The following SCUBE1 variants were observed in gnomAD, a reference collection of about 807,000 sequenced individuals.
The protein encoded by SCUBE1 is signal peptide, CUB and EGF-like domain-containing protein 1.
Under a neutral mutation model 124.4 loss-of-function variants are expected in SCUBE1, and 59 were observed. The observed-to-expected ratio is 0.47, with a 90% CI of 0.38 to 0.59. SCUBE1 has a LOEUF of 0.59. Ranked by LOEUF, SCUBE1 falls within the 20% of genes least tolerant of loss-of-function variation. The probability of loss-of-function intolerance (pLI) is 0.00; values close to 1 mark genes in which losing one functional copy is unlikely to be tolerated. For synonymous variants in SCUBE1, 545 were observed against 550.9 expected (o/e 0.99, Z 0.15); for missense variants, 1,150 against 1,371.2 (o/e 0.84, Z 2.55).
Position 43,211,182 on chromosome 22 carries a change from T to G in SCUBE1, c.2222-99A>C, listed in dbSNP as rs879208825. The G allele has an allele frequency of 1.5e-4, 195 of 1,287,226 alleles. 2 individuals are homozygous for G. The South Asian group carries it at 2.6e-3, about 17-fold the overall frequency. 79.7% of individuals were successfully genotyped at this position (1,287,226 alleles called of 1,614,324 possible). A position where few individuals can be genotyped will look rare whatever the true frequency, so the allele number is the denominator to read the frequency against. ...CAGGACCTCTCATGCCCTCGAGGTCTGTTTTGGCACAGAGTTCAAGGCTCC... is the reference window on the plus strand; with the variant it reads ...CAGGACCTCTCATGCCCTCGAGGTCGGTTTTGGCACAGAGTTCAAGGCTCC... On this transcript the variant is annotated intron_variant, in intron 17 of 21. Transcript: ENST00000360835. The surrounding 1 kb of genome is among the most constrained non-coding windows in gnomAD (Gnocchi z 4.5).
intron 10 of SCUBE1, among the ~76,000 whole-genome samples, chr22:43,227,169 A>G (rs1192204745): frequency 6.6e-6 from 1 of 152,130 alleles, no homozygotes; most frequent in Non-Finnish European, 1.5e-5. Context: ...TGACACTGGC[A>G]TGCTCTGCCT....
At chr22:43,310,327 C>T (rs1008734613) in intron 3 of SCUBE1, among the ~76,000 whole-genome samples, 2 of 152,160 alleles carry the variant, frequency 1.3e-5, no homozygotes, top group Admixed American at 6.5e-5. Context: ...TCTGTTACCC[C>T]CCTCATTGGT....
Position 43,339,030 on chromosome 22 carries a change from TG to T in SCUBE1, c.220+73del, listed in dbSNP as rs1927177040. The stretch of plus-strand genomic sequence containing the variant: ...AGGCTCAGCCCCAGCTGGTGATGAA[TG>T]GGGCAGGCATCGGCCACCTACAGCA... On this transcript the variant is annotated intron_variant, in intron 2 of 21. Coordinates refer to ENST00000360835, the MANE Select transcript of SCUBE1 (RefSeq NM_173050.5). 3.2e-6 allele frequency: 5 copies of T among 1,555,632 alleles called. No homozygotes were observed. In the African/African-American group the frequency reaches 4.1e-5, roughly 13 times the overall value.
chr22:43,220,415 G>A, intron 14 of SCUBE1, 35 bp downstream of exon 14: 8 of 1,606,334 alleles, frequency 5.0e-6, no homozygotes, highest in Non-Finnish European at 6.0e-6. Flanking sequence ...CCTCCTTCAG[G>A]CCTGCAGAAG....
chr22:43,218,722 C>T (rs1271635314), intron 14 of SCUBE1, among the ~76,000 whole-genome samples: 1 of 152,202 alleles, frequency 6.6e-6, no homozygotes, highest in African/African-American at 2.4e-5. Flanking sequence ...CATCACCCCC[C>T]AGGGTACGAC....
intron 4 of SCUBE1, chr22:43,270,630 G>A (rs898566745): frequency 6.6e-6 from 1 of 152,258 alleles, no homozygotes; most frequent in African/African-American, 2.4e-5. Flanking sequence ...CGCCCTGCAG[G>A]GCAAGTAGCT....
chr22:43,327,690 G>A (rs1926772258), intron 2 of SCUBE1, among the ~76,000 whole-genome samples: 1 of 152,164 alleles, frequency 6.6e-6, no homozygotes, highest in African/African-American at 2.4e-5. Context: ...GGGAGGCTGA[G>A]GCAGAAGAAT....
chr22:43,276,720 G>T (rs1333315759), intron 4 of SCUBE1, among the ~76,000 whole-genome samples: 1 of 152,222 alleles, frequency 6.6e-6, no homozygotes, highest in Non-Finnish European at 1.5e-5. Flanking sequence ...GTGGGCTACG[G>T]TGTAGGGGGT....
At chr22:43,324,853 C>A (rs867971705) in intron 2 of SCUBE1, among the ~76,000 whole-genome samples, 4 of 150,610 alleles carry the variant, frequency 2.7e-5, no homozygotes, top group Non-Finnish European at 5.9e-5. Flanking sequence ...ATTGTGTCCC[C>A]GCAAAAAGAT....
Position 43,199,156 on chromosome 22 carries a change from G to A in SCUBE1, c.*4841C>T, listed in dbSNP as rs958135209. The stretch of plus-strand genomic sequence containing the variant: ...AACTCCCTGTCTTTCTAGGAGCCTG[G>A]CACACAGGAGGTGCTCAGTAAATGT... On this transcript the variant is annotated 3_prime_UTR_variant, in exon 22 of 22. Coordinates refer to ENST00000360835, the MANE Select transcript of SCUBE1 (RefSeq NM_173050.5). 2 of 114,410 alleles carry A rather than the reference G, an allele frequency of 1.7e-5. No individual in the cohort carries two copies. Among genetic ancestry groups the A allele is most frequent in the Non-Finnish European group, 3.8e-5 (2 of 52,540 alleles). 7.1% of individuals were successfully genotyped at this position (114,410 alleles called of 1,614,324 possible).
At chr22:43,317,587 TA>T (rs1926396045) in intron 3 of SCUBE1, among the ~76,000 whole-genome samples, 1 of 152,342 alleles carries the variant, frequency 6.6e-6, no homozygotes, top group African/African-American at 2.4e-5. Flanking sequence ...TCCATGCCCA[TA>T]TCCCCTGGGC....
intron 10 of SCUBE1, among the ~76,000 whole-genome samples, chr22:43,226,741 G>A (rs1358047211): frequency 6.6e-6 from 1 of 152,018 alleles, no homozygotes; most frequent in Non-Finnish European, 1.5e-5. Flanking sequence ...AGGACCCGGC[G>A]TGGAGGTTCC....
At chr22:43,304,997 G>T (rs1423683664) in intron 3 of SCUBE1, among the ~76,000 whole-genome samples, 1 of 152,190 alleles carries the variant, frequency 6.6e-6, no homozygotes, top group Non-Finnish European at 1.5e-5. Context: ...GGCACCCGGG[G>T]CATGTCCTGA....
intron 1 of SCUBE1, among the ~76,000 whole-genome samples, chr22:43,340,083 G>A (rs562618894): frequency 2.0e-5 from 3 of 150,830 alleles, no homozygotes; most frequent in African/African-American, 4.9e-5. Flanking sequence ...GGGACACCAA[G>A]GCCATGCCAG....
At chr22:43,330,549 C>T (rs1295367646) in intron 2 of SCUBE1, among the ~76,000 whole-genome samples, 3 of 152,208 alleles carry the variant, frequency 2.0e-5, no homozygotes, top group Non-Finnish European at 2.9e-5. Flanking sequence ...CATGTTTTGG[C>T]CCCAGCACCA....
At chr22:43,231,052 C>T (rs780859755) in intron 8 of SCUBE1, among the ~76,000 whole-genome samples, 9 of 152,220 alleles carry the variant, frequency 5.9e-5, no homozygotes, top group Non-Finnish European at 1.3e-4. Context: ...CACTTTCTCC[C>T]AGTGTGGGGC....
intron 10 of SCUBE1, among the ~76,000 whole-genome samples, chr22:43,226,491 AAGTCAGTGAGGCTGGCG>A (rs1922312039): frequency 1.3e-5 from 2 of 152,092 alleles, no homozygotes; most frequent in Non-Finnish European, 2.9e-5. Flanking sequence ...AGGCCCTGCG[AAGTCAGTGAGGCTGGCG>A]TGAAGCGAGG....
intron 6 of SCUBE1, among the ~76,000 whole-genome samples, chr22:43,253,879 G>A (rs936519503): frequency 2.1e-5 from 3 of 145,810 alleles, no homozygotes; most frequent in African/African-American, 5.5e-5. Context: ...CTTCTTGTAA[G>A]TGAGACCGAG....
rs1281681222 is a variant in SCUBE1, at chr22:43,197,897, T to G, written c.*6100A>C. ...GGATCCTCCTGTTCTCTCCCCTCCC[T>G]GCAGCCTTCTCTCTGTCTCTGGACT... On this transcript the variant is annotated 3_prime_UTR_variant, in exon 22 of 22. Transcript: ENST00000360835. 6.6e-6 allele frequency: 1 copy of G among 152,370 alleles called. No homozygotes were observed. The highest frequency in any genetic ancestry group is 1.5e-5 in the Non-Finnish European group (1 of 68,130). 9.4% of individuals were successfully genotyped at this position (152,370 alleles called of 1,614,324 possible).
Sources: gnomAD v4.1 joint callset for allele counts (sites outside exome capture counted in the v4.1 genomes callset) on GRCh38, gnomAD v4.1.1 for gene constraint, Gnocchi (gnomAD v3.1) non-coding constraint, MANE v1.5 for transcripts, NCBI Gene and HGNC (gene_info 2026-07-23, HGNC 2026-07-21) for gene names.